Variants in CUBN observed in about 807,000 individuals in gnomAD.
The protein encoded by CUBN is cubilin.
Under a neutral mutation model 405.3 loss-of-function variants are expected in CUBN, and 282 were observed. That is an observed-to-expected ratio of 0.70 (90% confidence interval 0.63 to 0.77). CUBN has a LOEUF of 0.77. Ranked by LOEUF, CUBN falls within the 30% of genes least tolerant of loss-of-function variation. CUBN has a pLI of 0.00. For missense variants in CUBN, 4,514 were observed against 4,475.2 expected (o/e 1.01, Z -0.25); for synonymous variants, 1,684 against 1,617.0 (o/e 1.04, Z -0.99).
chr10:17,085,480 A>C, intron 16 of CUBN, 117 bp downstream of exon 16: 1 of 1,044,782 alleles, frequency 9.6e-7, no homozygotes, highest in South Asian at 1.3e-5. Flanking sequence ...TTATAAAGAA[A>C]TGTTCTTGGT....
In CUBN at chr10:16,918,810, G is replaced by A; in HGVS notation, c.6822-10C>T. On this transcript the variant is annotated splice_polypyrimidine_tract_variant and intron_variant, in intron 44 of 66. Transcript: ENST00000377833. ...GTAGTTGGAAGTACAGCTGAAGTGG[G>A]AACAAAATTCTGTTAAATTTACATG... The A allele has an allele frequency of 1.9e-6, 3 of 1,612,676 alleles. No homozygotes were observed. The highest frequency in any genetic ancestry group is 2.5e-6 in the Non-Finnish European group (3 of 1,179,160).
chr10:16,912,947 C>T (rs1315363443), intron 48 of CUBN, among the ~76,000 whole-genome samples: 1 of 152,048 alleles, frequency 6.6e-6, no homozygotes, highest in Non-Finnish European at 1.5e-5. Context: ...GAGAACGGAA[C>T]CAGGGGGACG....
At chr10:17,053,715 C>G (rs533048027) in intron 22 of CUBN, among the ~76,000 whole-genome samples, 10 of 152,010 alleles carry the variant, frequency 6.6e-5, no homozygotes, top group Non-Finnish European at 1.5e-4. Context: ...AACACTCAGC[C>G]GACTTAAAGC....
At chr10:17,025,008 C>G (rs1400104111) in intron 27 of CUBN, among the ~76,000 whole-genome samples, 1 of 152,058 alleles carries the variant, frequency 6.6e-6, no homozygotes, top group African/African-American at 2.4e-5. Context: ...TCAAGAGTTT[C>G]TTTAGGATGA....
At chr10:17,011,015 G>A (rs1025711328) in intron 28 of CUBN, among the ~76,000 whole-genome samples, 16 of 152,198 alleles carry the variant, frequency 1.1e-4, no homozygotes, top group Admixed American at 3.3e-4. Context: ...GATTTTGACA[G>A]CAGGGCCACA....
chr10:16,997,045 C>CT (rs147423439), intron 28 of CUBN, among the ~76,000 whole-genome samples: 11,152 of 152,234 alleles, frequency 0.073, 511 homozygotes, highest in East Asian at 0.19. Context: ...ATTTTAATAG[C>CT]TTTTTTTCTA....
intron 5 of CUBN, chr10:17,123,266 A>G: frequency 2.2e-6 from 1 of 452,280 alleles, no homozygotes; most frequent in Non-Finnish European, 4.0e-6. Context: ...AGAAAATGAG[A>G]AAATTTGCAT....
At chr10:16,837,376 T>C (rs1212273950) in intron 62 of CUBN, among the ~76,000 whole-genome samples, 5 of 152,088 alleles carry the variant, frequency 3.3e-5, no homozygotes, top group Non-Finnish European at 7.4e-5. Context: ...TCAAAGCTGG[T>C]TCTCCTTCGA....
chr10:16,981,178 G>GACACACACACACACACAC (rs1401865880), intron 31 of CUBN, among the ~76,000 whole-genome samples: 8,366 of 145,192 alleles, frequency 0.058, 312 homozygotes, highest in Non-Finnish European at 0.083. Context: ...AGACTCAGCA[G>GACACACACACACACACAC]ACACACACAC....
intron 28 of CUBN, among the ~76,000 whole-genome samples, chr10:17,010,953 T>C (rs372168716): frequency 3.3e-5 from 5 of 152,196 alleles, no homozygotes; most frequent in Admixed American, 1.3e-4. Context: ...TGAACAATGT[T>C]AAGAGTCAAC....
At chr10:16,881,250 G>A (rs1840658861) in intron 56 of CUBN, among the ~76,000 whole-genome samples, 1 of 152,212 alleles carries the variant, frequency 6.6e-6, no homozygotes, top group South Asian at 2.1e-4. Flanking sequence ...GTATTAAAGA[G>A]TTAGTTGTTA....
intron 56 of CUBN, among the ~76,000 whole-genome samples, chr10:16,880,034 CAG>C (rs1231892856): frequency 6.6e-6 from 1 of 152,176 alleles, no homozygotes; most frequent in Non-Finnish European, 1.5e-5. Flanking sequence ...AAAGTAAAAA[CAG>C]AAACAGTTGA....
chr10:17,083,290 G>T (rs1370191175), intron 17 of CUBN, among the ~76,000 whole-genome samples: 1 of 152,092 alleles, frequency 6.6e-6, no homozygotes, highest in Non-Finnish European at 1.5e-5. Context: ...AGGATCACCT[G>T]AGGTTGGGAG....
chr10:16,968,369 C>G (rs1041227185), intron 31 of CUBN, among the ~76,000 whole-genome samples: 3 of 151,908 alleles, frequency 2.0e-5, no homozygotes, highest in African/African-American at 7.3e-5. Flanking sequence ...TTTCTTTCTC[C>G]TAGATAGCCA....
At chr10:16,901,908 TATATATATATACACACACACAC>T (rs1234675217) in intron 51 of CUBN, among the ~76,000 whole-genome samples, 28 of 129,300 alleles carry the variant, frequency 2.2e-4, no homozygotes, top group Non-Finnish European at 3.7e-4. Flanking sequence ...TATATATATA[TATATATATATACACACACACAC>T]ACACACCATA....
At chr10:16,888,687 T>C in intron 55 of CUBN, 121 bp from the exon 56 acceptor site, 2 of 834,530 alleles carry the variant, frequency 2.4e-6, no homozygotes, top group Non-Finnish European at 4.1e-6. Context: ...ATATTCCAAA[T>C]GGAAGAAGCA....
At chr10:16,975,338 T>C (rs11594134) in intron 31 of CUBN, among the ~76,000 whole-genome samples, 17,697 of 152,306 alleles carry the variant, frequency 0.12, 1,232 homozygotes, top group Non-Finnish European at 0.16. Flanking sequence ...TGCTGAAATA[T>C]GGCAGTGTTC....
At chr10:16,935,748 T>C (rs1435455347) in intron 39 of CUBN, among the ~76,000 whole-genome samples, 1 of 151,152 alleles carries the variant, frequency 6.6e-6, no homozygotes, top group African/African-American at 2.4e-5. Context: ...GGTGTGGTGG[T>C]GGGCACCTGT....
At chr10:16,998,950 T>C (rs764837075) in intron 28 of CUBN, among the ~76,000 whole-genome samples, 2 of 152,238 alleles carry the variant, frequency 1.3e-5, no homozygotes, top group Non-Finnish European at 2.9e-5. Context: ...GACTTCATCC[T>C]TGCCCCATAT....
Sources: allele counts gnomAD v4.1 joint callset (sites outside exome capture counted in the v4.1 genomes callset), GRCh38; gene constraint gnomAD v4.1.1; transcripts MANE v1.5; gene names NCBI Gene and HGNC (gene_info 2026-07-23, HGNC 2026-07-21).